Variants in PPP1R9A observed in about 807,000 individuals in gnomAD.
PPP1R9A encodes protein phosphatase 1 regulatory subunit 9A.
Under a neutral mutation model 141.9 loss-of-function variants are expected in PPP1R9A, and 59 were observed. The observed-to-expected ratio is 0.42, with a 90% CI of 0.34 to 0.52. The LOEUF is 0.52. PPP1R9A is among the 20% of genes least tolerant of loss of function. The probability of loss-of-function intolerance (pLI) is 0.10; values close to 1 mark genes in which losing one functional copy is unlikely to be tolerated. For synonymous variants in PPP1R9A, 500 were observed against 569.7 expected (o/e 0.88, Z 1.74); for missense variants, 1,444 against 1,611.9 (o/e 0.90, Z 1.78).
In PPP1R9A at chr7:94,984,390, A is replaced by C. The variant is rs548126763; in HGVS notation, c.1395+72882A>C. The stretch of plus-strand genomic sequence containing the variant: ...TCTCTCTTTTTCTATTGATTGGAAT[A>C]GTTTCAAAAGGAATGGGACCAGCTC... On this transcript the variant is annotated intron_variant, in intron 2 of 19. Coordinates refer to ENST00000433360, the MANE Select transcript of PPP1R9A (RefSeq NM_001166160.2). 9.6e-4 allele frequency among the ~76,000 whole-genome samples: 146 copies of C among 152,272 alleles called. 1 individual carries two copies. The highest frequency in any genetic ancestry group is 3.4e-3 in the African/African-American group (140 of 41,562).
chr7:95,231,443 A>G (rs532661705), intron 8 of PPP1R9A, among the ~76,000 whole-genome samples: 1 of 152,298 alleles, frequency 6.6e-6, no homozygotes, highest in African/African-American at 2.4e-5. Flanking sequence ...ATTGCAGAAT[A>G]TACATTCTAT....
Position 95,112,611 on chromosome 7 carries a change from T to C in PPP1R9A, c.1528+1220T>C, listed in dbSNP as rs964350785. On this transcript the variant is annotated intron_variant, in intron 3 of 19. Transcript: ENST00000433360. ...TCAAAAAGAGACTTGTGCTTGTATG[T>C]TTAACAGAATACTATCCAATGGAAA... Among the ~76,000 whole-genome samples, 3 of 152,140 alleles carry C rather than the reference T, an allele frequency of 2.0e-5. No individual in the cohort carries two copies. In the East Asian group the frequency reaches 5.8e-4, roughly 29 times the overall value.
At chr7:95,082,184 A>G (rs1335461057) in intron 2 of PPP1R9A, among the ~76,000 whole-genome samples, 1 of 152,178 alleles carries the variant, frequency 6.6e-6, no homozygotes, top group Admixed American at 6.5e-5. Flanking sequence ...CTGTCTTACT[A>G]GTAGATAGCA....
chr7:95,111,948 G>A (rs1207979924), intron 3 of PPP1R9A, among the ~76,000 whole-genome samples: 2 of 151,788 alleles, frequency 1.3e-5, no homozygotes, highest in East Asian at 3.9e-4. Flanking sequence ...TGACCCGTGG[G>A]ATCAGAGATT....
chr7:94,908,948 A>G (rs180676751), intron 1 of PPP1R9A, among the ~76,000 whole-genome samples: 1 of 152,260 alleles, frequency 6.6e-6, no homozygotes, highest in East Asian at 1.9e-4. Flanking sequence ...TCGGTCTAAT[A>G]TCAAAACAAA....
In PPP1R9A at chr7:95,274,071, T is replaced by C; in HGVS notation, c.3213-14T>C. On this transcript the variant is annotated splice_polypyrimidine_tract_variant and intron_variant, in intron 15 of 19. Transcript: ENST00000433360. ...TTTCAGCTTCCCCTTTCTGACTGCT[T>C]ACTATCATTACAGGGCGCCTTTGCG... 6.5e-7 allele frequency: 1 copy of C among 1,548,044 alleles called. No individual in the cohort carries two copies. Among genetic ancestry groups the C allele is most frequent in the East Asian group, 2.3e-5 (1 of 44,008 alleles).
chr7:95,108,992 A>G (rs1010220396), intron 2 of PPP1R9A: 8 of 152,206 alleles, frequency 5.3e-5, no homozygotes, highest in South Asian at 2.1e-4. Context: ...ATTTCCAGTC[A>G]TATCTGCCAG....
At chr7:95,044,483 A>G (rs1203319837) in intron 2 of PPP1R9A, among the ~76,000 whole-genome samples, 1 of 152,042 alleles carries the variant, frequency 6.6e-6, no homozygotes, top group Non-Finnish European at 1.5e-5. Context: ...AAAAGCTGAA[A>G]ATGTCTTGAA....
chr7:95,166,715 A>G (rs775334862), intron 5 of PPP1R9A, among the ~76,000 whole-genome samples: 2 of 152,218 alleles, frequency 1.3e-5, no homozygotes, highest in African/African-American at 4.8e-5. Flanking sequence ...AACCAAAAGG[A>G]AAACTGCAGG....
At chr7:95,176,748 A>G (rs1448150875) in intron 5 of PPP1R9A, among the ~76,000 whole-genome samples, 2 of 152,188 alleles carry the variant, frequency 1.3e-5, no homozygotes, top group African/African-American at 2.4e-5. Flanking sequence ...CAGCAATAGA[A>G]TTGAACAAGT....
chr7:94,992,366 C>T (rs1801625898), intron 2 of PPP1R9A, among the ~76,000 whole-genome samples: 1 of 152,142 alleles, frequency 6.6e-6, no homozygotes, highest in Non-Finnish European at 1.5e-5. Flanking sequence ...TGCCACAATT[C>T]ATTTGTTTGT....
intron 5 of PPP1R9A, among the ~76,000 whole-genome samples, chr7:95,175,256 TTGGATGGATGGATGGATGGA>T (rs61519780): frequency 6.8e-6 from 1 of 146,606 alleles, no homozygotes; most frequent in African/African-American, 2.5e-5. Context: ...CAATAACTAG[TTGGATGGATGGATGGATGGA>T]TGGATGGATG....
At chr7:95,160,963 T>C (rs1830392984) in intron 4 of PPP1R9A, among the ~76,000 whole-genome samples, 2 of 152,226 alleles carry the variant, frequency 1.3e-5, no homozygotes, top group African/African-American at 4.8e-5. Flanking sequence ...TCTTTGCTGT[T>C]GTGAACAGTG....
chr7:94,913,843 C>A (rs994538725), intron 2 of PPP1R9A, among the ~76,000 whole-genome samples: 15 of 151,976 alleles, frequency 9.9e-5, no homozygotes, highest in African/African-American at 3.6e-4. Context: ...TAAGGTTACC[C>A]CTTTCCTCTG....
At chr7:95,044,052 T>C (rs915729257) in intron 2 of PPP1R9A, among the ~76,000 whole-genome samples, 8 of 152,246 alleles carry the variant, frequency 5.3e-5, no homozygotes, top group African/African-American at 1.7e-4. Flanking sequence ...CATTGGAGAC[T>C]GCTTCAAAAC....
intron 2 of PPP1R9A, among the ~76,000 whole-genome samples, chr7:95,012,944 G>A (rs978120385): frequency 5.9e-5 from 9 of 152,120 alleles, no homozygotes; most frequent in African/African-American, 1.9e-4. Flanking sequence ...ATTTACTAGC[G>A]GGATGGGATG....
intron 2 of PPP1R9A, among the ~76,000 whole-genome samples, chr7:94,975,287 A>G (rs1799302099): frequency 6.7e-6 from 1 of 150,226 alleles, no homozygotes; most frequent in Non-Finnish European, 1.5e-5. Flanking sequence ...CTGTTCTTTT[A>G]GCTTTGCTGC....
Position 94,996,786 on chromosome 7 carries a change from T to A in PPP1R9A, c.1395+85278T>A, listed in dbSNP as rs1161144040. ...TTTACTGTAATTTTCATTTTTCAGT[T>A]CAGATACTCTGTGTTTTTTTTTTTT... On this transcript the variant is annotated intron_variant, in intron 2 of 19. Coordinates refer to ENST00000433360, the MANE Select transcript of PPP1R9A (RefSeq NM_001166160.2). 6.7e-5 allele frequency among the ~76,000 whole-genome samples: 10 copies of A among 149,388 alleles called. No individual in the cohort carries two copies. The East Asian group carries it at 1.7e-3, about 26-fold the overall frequency.
At chr7:95,014,615 A>T (rs1444234958) in intron 2 of PPP1R9A, among the ~76,000 whole-genome samples, 1 of 152,010 alleles carries the variant, frequency 6.6e-6, no homozygotes, top group Non-Finnish European at 1.5e-5. Context: ...TTGTGTGAAA[A>T]TACTTTGAGA....
Sources: allele counts gnomAD v4.1 joint callset (sites outside exome capture counted in the v4.1 genomes callset), GRCh38; gene constraint gnomAD v4.1.1; transcripts MANE v1.5; gene names NCBI Gene and HGNC (gene_info 2026-07-23, HGNC 2026-07-21).